CHD2: variants seen among roughly 807,000 people sequenced by gnomAD.
The protein encoded by CHD2 is chromodomain helicase DNA binding protein 2.
Under a neutral mutation model 243.9 loss-of-function variants are expected in CHD2, and 28 were observed. The observed-to-expected ratio is 0.11, with a 90% CI of 0.09 to 0.16. CHD2 has a LOEUF of 0.16. Among genes scored for constraint, CHD2 ranks in the 10% least tolerant of loss-of-function variants. The pLI is 1.00. For synonymous variants in CHD2, 775 were observed against 779.0 expected, an observed-to-expected ratio of 0.99 and a Z score of 0.09; for missense variants, 1,386 against 2,209.8, an observed-to-expected ratio of 0.63 and a Z score of 7.47.
intron 2 of CHD2, among the ~76,000 whole-genome samples, chr15:92,917,823 T>G (rs1437279115): frequency 6.6e-6 from 1 of 152,204 alleles, no homozygotes; most frequent in Non-Finnish European, 1.5e-5. Flanking sequence ...TTTGTCTTCT[T>G]TATAGGTAAG....
Position 92,998,957 on chromosome 15 carries a change from G to A in CHD2, c.4008+336G>A, listed in dbSNP as rs990467859. ...AAATTAGCCGGGCGTGGTGGCACAC[G>A]CCTGTAATCCCAGCTACTTAGGAGG... is the stretch of plus-strand genomic sequence containing the variant. On this transcript the variant is annotated intron_variant, in intron 31 of 38. Transcript: ENST00000394196. This position sits in a 1 kb window ranked among gnomAD's most constrained non-coding sequence, Gnocchi z 5.1. Among the ~76,000 whole-genome samples the A allele has an allele frequency of 2.6e-5, 4 of 151,850 alleles. No individual in the cohort carries two copies. Among genetic ancestry groups the A allele is most frequent in the African/African-American group, 9.7e-5 (4 of 41,306 alleles).
intron 2 of CHD2, among the ~76,000 whole-genome samples, chr15:92,923,179 A>G (rs2052991938): frequency 6.6e-6 from 1 of 152,302 alleles, no homozygotes; most frequent in South Asian, 2.1e-4. Flanking sequence ...GATGAGCCTA[A>G]TTTGCTCCTA....
In CHD2 at chr15:92,979,411, A is replaced by AG. The variant is rs2053948903; in HGVS notation, c.2876+128_2876+129insG. The AG allele has an allele frequency of 3.5e-6, 4 of 1,130,224 alleles. No homozygotes were observed. In the Admixed American group the frequency reaches 1.1e-4, roughly 31 times the overall value. 70.0% of individuals were successfully genotyped at this position (1,130,224 alleles called of 1,614,324 possible). A position where few individuals can be genotyped will look rare whatever the true frequency, so the allele number is the denominator to read the frequency against. The stretch of plus-strand genomic sequence containing the variant: ...CTGGAAGATGCCAGGCCAGAACCAC[A>AG]AATAGGATAGCATTTTCACTTTGAG... On this transcript the variant is annotated intron_variant, in intron 22 of 38. Transcript: ENST00000394196.
At position 93,009,267 on chromosome 15, in the gene CHD2, G is replaced by T; in HGVS notation, c.4536G>T (p.Arg1512=). ...TRNCLLKIGD[R]IAECLKAYSD... ...ACTGCCTGCTGAAAATCGGAGACCGGATAGCCGAGTGCCTTAAAGCCTACT... is the reference window on the plus strand; with the variant it reads ...ACTGCCTGCTGAAAATCGGAGACCGTATAGCCGAGTGCCTTAAAGCCTACT... Residue 1512 remains arginine (R), a synonymous_variant, in exon 35 of 39, where the codon CGG becomes CGT. Coordinates refer to ENST00000394196, the MANE Select transcript of CHD2 (RefSeq NM_001271.4). 6.2e-7 allele frequency: 1 copy of T among 1,614,216 alleles called. No individual in the cohort carries two copies. The highest frequency in any genetic ancestry group is 8.5e-7 in the Non-Finnish European group (1 of 1,180,032).
intron 2 of CHD2, among the ~76,000 whole-genome samples, chr15:92,917,484 C>T (rs2052862682): frequency 6.6e-6 from 1 of 152,126 alleles, no homozygotes; most frequent in Non-Finnish European, 1.5e-5. Context: ...TCGCATGAAC[C>T]CTGGAGGCGG....
At chr15:92,934,647 G>A (rs1225457554) in intron 5 of CHD2, among the ~76,000 whole-genome samples, 2 of 152,180 alleles carry the variant, frequency 1.3e-5, no homozygotes, top group Admixed American at 6.5e-5. Context: ...CATCTGTAGG[G>A]TTGGGAAGTA....
intron 12 of CHD2, among the ~76,000 whole-genome samples, chr15:92,948,112 A>G (rs1269983687): frequency 3.9e-5 from 6 of 152,280 alleles, no homozygotes; most frequent in African/African-American, 1.2e-4. Flanking sequence ...ATAGAGACTG[A>G]CCTCACTAGA....
intron 38 of CHD2, among the ~76,000 whole-genome samples, chr15:93,023,099 T>C (rs1245813974): frequency 6.6e-6 from 1 of 152,236 alleles, no homozygotes; most frequent in Non-Finnish European, 1.5e-5. Context: ...TTTATAATAT[T>C]GGGCAGCCAC....
intron 2 of CHD2, among the ~76,000 whole-genome samples, chr15:92,912,914 A>G (rs966488475): frequency 2.6e-5 from 4 of 152,232 alleles, no homozygotes; most frequent in East Asian, 3.8e-4. Context: ...AATAGAGGCA[A>G]TATATGACTG....
chr15:93,006,220 C>T (rs372758798), intron 34 of CHD2, among the ~76,000 whole-genome samples: 25 of 151,060 alleles, frequency 1.7e-4, no homozygotes, highest in East Asian at 1.2e-3. Context: ...TCTGCCTCTC[C>T]GGTTCAAGCA....
intron 2 of CHD2, among the ~76,000 whole-genome samples, chr15:92,917,387 T>C (rs1330107113): frequency 1.3e-5 from 2 of 152,124 alleles, no homozygotes; most frequent in Non-Finnish European, 2.9e-5. Context: ...GGTGAAACCC[T>C]GTCTCTACTA....
intron 26 of CHD2, among the ~76,000 whole-genome samples, chr15:92,989,925 A>AT (rs762876238): frequency 2.6e-5 from 4 of 152,228 alleles, no homozygotes; most frequent in Non-Finnish European, 5.9e-5. Context: ...AGACCTGCAC[A>AT]TGTCAGAGCT....
chr15:92,960,137 A>G (rs542169778), intron 16 of CHD2, among the ~76,000 whole-genome samples: 2 of 152,208 alleles, frequency 1.3e-5, no homozygotes, highest in Non-Finnish European at 2.9e-5. Flanking sequence ...ATTTTTAAAA[A>G]TATAACCTAT....
At chr15:92,961,297 T>G (rs1228729102) in intron 16 of CHD2, among the ~76,000 whole-genome samples, 1 of 152,236 alleles carries the variant, frequency 6.6e-6, no homozygotes, top group Non-Finnish European at 1.5e-5. Context: ...CTATTCTTCT[T>G]GACTTAGTTT....
At chr15:92,923,931 A>G (rs1280711566) in intron 2 of CHD2, among the ~76,000 whole-genome samples, 1 of 152,104 alleles carries the variant, frequency 6.6e-6, no homozygotes, top group Non-Finnish European at 1.5e-5. Flanking sequence ...CTTAACAGAT[A>G]AGACTTCGTG....
intron 32 of CHD2, among the ~76,000 whole-genome samples, chr15:93,001,312 G>A (rs1159623283): frequency 6.6e-6 from 1 of 152,202 alleles, no homozygotes; most frequent in Non-Finnish European, 1.5e-5. Flanking sequence ...CAAAACTCCT[G>A]TGGGTCAGGT....
intron 17 of CHD2, among the ~76,000 whole-genome samples, chr15:92,971,043 G>A (rs1029341647): frequency 6.6e-6 from 1 of 152,164 alleles, no homozygotes; most frequent in Non-Finnish European, 1.5e-5. Flanking sequence ...AAATGGGTAT[G>A]TAGCCTCTAT....
intron 26 of CHD2, among the ~76,000 whole-genome samples, chr15:92,985,971 A>T (rs144961114): frequency 5.0e-4 from 76 of 152,338 alleles, no homozygotes; most frequent in African/African-American, 1.7e-3. Flanking sequence ...ACATGTATAT[A>T]CAGACTTATG....
chr15:92,931,736 C>A (rs1360071001), intron 5 of CHD2, among the ~76,000 whole-genome samples: 3 of 152,016 alleles, frequency 2.0e-5, no homozygotes, highest in African/African-American at 7.2e-5. Context: ...GACTAAAATT[C>A]ATAAAATTTT....
Sources: allele counts gnomAD v4.1 joint callset (sites outside exome capture counted in the v4.1 genomes callset), GRCh38; gene constraint gnomAD v4.1.1; non-coding constraint Gnocchi (gnomAD v3.1); transcripts MANE v1.5; gene names NCBI Gene and HGNC (gene_info 2026-07-23, HGNC 2026-07-21).